TIMD4: variants seen among roughly 807,000 people sequenced by gnomAD.
The protein encoded by TIMD4 is T cell immunoglobulin and mucin domain containing 4.
Under a neutral mutation model 41.2 loss-of-function variants are expected in TIMD4, and 31 were observed. That is an observed-to-expected ratio of 0.75 (90% confidence interval 0.57 to 1.01). The LOEUF is 1.01. TIMD4 is among the 50% of genes least tolerant of loss of function. The pLI, the probability that TIMD4 is intolerant of heterozygous loss-of-function variation, is 0.00. For missense variants in TIMD4, 479 were observed against 472.5 expected, an observed-to-expected ratio of 1.01 and a Z score of -0.13; for synonymous variants, 204 against 177.1, an observed-to-expected ratio of 1.15 and a Z score of -1.21.
chr5:156,939,976 C>G (rs1231384954), intron 5 of TIMD4, among the ~76,000 whole-genome samples: 1 of 152,248 alleles, frequency 6.6e-6, no homozygotes, highest in Admixed American at 6.5e-5. Flanking sequence ...CCGTCGTCTC[C>G]GTCTCCCGCT....
chr5:156,921,616 CAAAAAAAAAAAAAAAA>C (rs66842169), intron 7 of TIMD4, among the ~76,000 whole-genome samples: 5 of 47,250 alleles, frequency 1.1e-4, no homozygotes, highest in African/African-American at 1.4e-4. Flanking sequence ...GAGACTCTCT[CAAAAAAAAAAAAAAAA>C]AAAAAAAAAA....
chr5:156,919,411 C>A lies in TIMD4; in HGVS notation c.*46G>T. 2 of 1,516,842 alleles carry A rather than the reference C, an allele frequency of 1.3e-6. No homozygotes were observed. The highest frequency in any genetic ancestry group is 4.5e-5 in the East Asian group (2 of 44,384). The allele number at this position is 1,516,842 out of a possible 1,614,324, so 94.0% of individuals were successfully genotyped here. On this transcript the variant is annotated 3_prime_UTR_variant, in exon 9 of 9. Transcript: ENST00000274532. ...AAATCTACTAAGACTTATTTTGACA[C>A]TGGAGTGTCATGCCCCCATCCTCAA... is the stretch of plus-strand genomic sequence containing the variant.
At chr5:156,929,969 T>C (rs912462630) in intron 5 of TIMD4, among the ~76,000 whole-genome samples, 3 of 152,100 alleles carry the variant, frequency 2.0e-5, no homozygotes, top group African/African-American at 7.2e-5. Context: ...CCATTGAACA[T>C]TATTTATTTA....
chr5:156,938,517 A>G (rs2113363404), intron 5 of TIMD4, among the ~76,000 whole-genome samples: 1 of 151,930 alleles, frequency 6.6e-6, no homozygotes, highest in South Asian at 2.1e-4. Flanking sequence ...GTCTTCTCCC[A>G]CCTCCTAGAG....
At chr5:156,959,667 G>T (rs1379306228) in intron 1 of TIMD4, among the ~76,000 whole-genome samples, 1 of 152,094 alleles carries the variant, frequency 6.6e-6, no homozygotes, top group African/African-American at 2.4e-5. Context: ...AGAGTGAAGG[G>T]CATCTTTTAA....
intron 3 of TIMD4, among the ~76,000 whole-genome samples, chr5:156,950,416 T>A (rs946127811): frequency 6.6e-6 from 1 of 152,234 alleles, no homozygotes; most frequent in African/African-American, 2.4e-5. Context: ...AAAAAATACA[T>A]ACAAGAATTG....
chr5:156,951,377 T>C, intron 3 of TIMD4, 135 bp downstream of exon 3: 1 of 1,130,412 alleles, frequency 8.8e-7, no homozygotes, highest in Non-Finnish European at 1.2e-6. Flanking sequence ...GGTGTTTGTT[T>C]GATAGGCCTA....
chr5:156,959,082 A>C (rs540332201), intron 1 of TIMD4, among the ~76,000 whole-genome samples: 2 of 152,356 alleles, frequency 1.3e-5, no homozygotes, highest in South Asian at 2.1e-4. Flanking sequence ...CCCCAGGATC[A>C]GAGAAAAGGG....
intron 5 of TIMD4, among the ~76,000 whole-genome samples, chr5:156,931,920 C>CT (rs1228749080): frequency 6.7e-6 from 1 of 150,076 alleles, no homozygotes; most frequent in Non-Finnish European, 1.5e-5. Context: ...CTCCTATATC[C>CT]TTTTTAACCT....
At position 156,919,413 on chromosome 5, in the gene TIMD4, G is replaced by A; in HGVS notation, c.*44C>T. 1 of 1,494,018 alleles carries A rather than the reference G, an allele frequency of 6.7e-7. No homozygotes were observed. The highest frequency in any genetic ancestry group is 9.3e-7 in the Non-Finnish European group (1 of 1,073,036). The allele number at this position is 1,494,018 out of a possible 1,614,324, so 92.5% of individuals were successfully genotyped here. A position where few individuals can be genotyped will look rare whatever the true frequency, so the allele number is the denominator to read the frequency against. On this transcript the variant is annotated 3_prime_UTR_variant, in exon 9 of 9. Transcript: ENST00000274532. ...ATCTACTAAGACTTATTTTGACACTGGAGTGTCATGCCCCCATCCTCAATC... is the reference window on the plus strand; with the variant it reads ...ATCTACTAAGACTTATTTTGACACTAGAGTGTCATGCCCCCATCCTCAATC...
chr5:156,958,145 G>T (rs190516132), intron 1 of TIMD4, among the ~76,000 whole-genome samples: 72 of 151,994 alleles, frequency 4.7e-4, no homozygotes, highest in African/African-American at 1.7e-3. Flanking sequence ...GGTTGTGGGC[G>T]CCTGTAATCC....
chr5:156,961,968 T>A (rs1753072780), intron 1 of TIMD4, among the ~76,000 whole-genome samples: 1 of 151,900 alleles, frequency 6.6e-6, no homozygotes, highest in Non-Finnish European at 1.5e-5. Context: ...TAAGTTAAGC[T>A]AGGCACAGAA....
At chr5:156,933,654 A>G (rs531860199) in intron 5 of TIMD4, among the ~76,000 whole-genome samples, 3 of 151,364 alleles carry the variant, frequency 2.0e-5, no homozygotes, top group Non-Finnish European at 4.4e-5. Flanking sequence ...TGCAACCTCC[A>G]CCTCCCAGGT....
intron 5 of TIMD4, among the ~76,000 whole-genome samples, chr5:156,940,752 C>T (rs1339921577): frequency 6.6e-6 from 1 of 152,112 alleles, no homozygotes; most frequent in African/African-American, 2.4e-5. Flanking sequence ...AGAGTCTCCA[C>T]CCGGCTGCCC....
intron 5 of TIMD4, among the ~76,000 whole-genome samples, chr5:156,930,785 G>GAGA (rs1157100765): frequency 1.3e-5 from 2 of 152,224 alleles, no homozygotes; most frequent in Non-Finnish European, 2.9e-5. Context: ...GTCTGGTCTA[G>GAGA]AGAAGAAGGA....
At chr5:156,919,784 G>A (rs879022255) in intron 8 of TIMD4, among the ~76,000 whole-genome samples, 12 of 152,084 alleles carry the variant, frequency 7.9e-5, no homozygotes, top group African/African-American at 2.2e-4. Flanking sequence ...ATTTCAATAC[G>A]TTTATTTACC....
rs188068872 is a variant in TIMD4, at chr5:156,959,630, A to C, written c.58+3511T>G. On this transcript the variant is annotated intron_variant, in intron 1 of 8. Coordinates refer to ENST00000274532, the MANE Select transcript of TIMD4 (RefSeq NM_138379.3). ...GCTTAAGCAAGGCTGGCCCTTCCCC[A>C]ATCTGAGTCTCAAAATTGCCATCTA... Among the ~76,000 whole-genome samples, 552 of 152,230 alleles carry C rather than the reference A, an allele frequency of 3.6e-3. 4 individuals carry two copies. Among genetic ancestry groups the C allele is most frequent in the African/African-American group, 0.013 (537 of 41,550 alleles).
intron 1 of TIMD4, among the ~76,000 whole-genome samples, chr5:156,957,512 C>CAAAAAAAAAAAAAAAAAAAAA (rs3068101): frequency 7.0e-5 from 8 of 113,844 alleles, no homozygotes; most frequent in East Asian, 2.6e-4. Flanking sequence ...GAGTCTATCT[C>CAAAAAAAAAAAAAAAAAAAAA]AAAAAAAAAA....
rs776884624 is a variant in TIMD4 at position 156,951,681 on chromosome 5, T to C, written c.510A>G (p.Thr170=). The change falls in exon 3 of 9, where the codon ACA becomes ACG. Residue 170 remains threonine, a synonymous_variant. Transcript: ENST00000274532. ...MTTTPAALPT[T]VVTTPDLTTG... ...TTGTGAGATCGGGTGTGGTCACGAC[T>C]GTTGTTGGAAGTGCAGCTGGGGTTG... The C allele has an allele frequency of 5.6e-6, 9 of 1,614,080 alleles. No homozygotes were observed. The highest frequency in any genetic ancestry group is 8.5e-7 in the Non-Finnish European group (1 of 1,180,014).
Sources: allele counts gnomAD v4.1 joint callset (sites outside exome capture counted in the v4.1 genomes callset), GRCh38; gene constraint gnomAD v4.1.1; transcripts MANE v1.5; gene names NCBI Gene and HGNC (gene_info 2026-07-23, HGNC 2026-07-21).